The following RHOBTB2 variants were observed in gnomAD, a reference collection of about 807,000 sequenced individuals.
RHOBTB2 encodes rho-related BTB domain-containing protein 2.
In RHOBTB2, 39 loss-of-function variants were observed where a neutral mutation model predicts 66.5. The ratio of observed to expected loss-of-function variants is 0.59; its 90% CI spans 0.45 to 0.77. The LOEUF is 0.77. Ranked by LOEUF, RHOBTB2 falls within the 30% of genes least tolerant of loss-of-function variation. The pLI is 0.00. For missense variants in RHOBTB2, 755 were observed against 999.1 expected, an observed-to-expected ratio of 0.76 and a Z score of 3.29; for synonymous variants, 390 against 395.0, an observed-to-expected ratio of 0.99 and a Z score of 0.15.
chr8:23,010,740 C>A, intron 7 of RHOBTB2, 52 bp downstream of exon 7: 1 of 1,592,966 alleles, frequency 6.3e-7, no homozygotes, highest in Non-Finnish European at 8.6e-7. Context: ...CCAGGGAAAC[C>A]CCAAGGTGCA....
the RHOBTB2 span, among the ~76,000 whole-genome samples, chr8:22,972,397 C>G: frequency 2.0e-5 from 3 of 152,150 alleles, no homozygotes. Flanking sequence ...TGCCCAGACC[C>G]CACCAAAGTC....
the RHOBTB2 span, among the ~76,000 whole-genome samples, chr8:22,963,777 A>ATAT: frequency 3.8e-3 from 579 of 151,334 alleles, 2 homozygotes; most frequent in Non-Finnish European, 5.6e-3. Context: ...TTATTTATTT[A>ATAT]TATTATTATT....
At chr8:22,988,329 T>C (rs751795426) in intron 1 of RHOBTB2, among the ~76,000 whole-genome samples, 16 of 151,780 alleles carry the variant, frequency 1.1e-4, no homozygotes, top group Non-Finnish European at 1.9e-4. Context: ...CTGGCTAATT[T>C]TTTTGTTTTT....
rs1585189088 is a variant in RHOBTB2, at chr8:23,004,334, A to G, written c.-10-91A>G. 2 of 1,098,638 alleles carry G rather than the reference A, an allele frequency of 1.8e-6. No individual in the cohort carries two copies. Among genetic ancestry groups the G allele is most frequent in the Admixed American group, 3.6e-5 (2 of 54,842 alleles). 68.1% of individuals were successfully genotyped at this position (1,098,638 alleles called of 1,614,324 possible). ...CAGCTCCGGGGCTTGCAGAGGGGGC[A>G]GCCTGGCTGAGGAGAGCTGCGGGTG... On this transcript the variant is annotated intron_variant, in intron 1 of 9. Coordinates refer to ENST00000251822, the MANE Select transcript of RHOBTB2 (RefSeq NM_015178.3). This position sits in a 1 kb window ranked among gnomAD's most constrained non-coding sequence, Gnocchi z 6.4.
chr8:22,968,105 T>C, the RHOBTB2 span, among the ~76,000 whole-genome samples: 1 of 151,638 alleles, frequency 6.6e-6, no homozygotes, highest in Non-Finnish European at 1.5e-5. Context: ...CAGTGAGCTA[T>C]GATCAAACCA....
chr8:23,000,876 G>C (rs1810755533), intron 1 of RHOBTB2, among the ~76,000 whole-genome samples: 1 of 152,078 alleles, frequency 6.6e-6, no homozygotes, highest in South Asian at 2.1e-4. Flanking sequence ...GACAAGCCAG[G>C]CTCCCAGGGA....
At chr8:23,001,160 C>T (rs946401437) in intron 1 of RHOBTB2, among the ~76,000 whole-genome samples, 8 of 152,108 alleles carry the variant, frequency 5.3e-5, no homozygotes, top group Non-Finnish European at 8.8e-5. Context: ...GGAACACATG[C>T]CAGTGACTTT....
chr8:22,986,265 CTTTTTTT>C (rs33995780), upstream of RHOBTB2, among the ~76,000 whole-genome samples: 7 of 84,978 alleles, frequency 8.2e-5, no homozygotes, highest in African/African-American at 2.8e-4. Context: ...CAGTGCATTG[CTTTTTTT>C]TTTTTTTTTT....
Position 23,017,439 on chromosome 8 carries a change from A to G in RHOBTB2, c.2154A>G (p.Ser718=). The change falls in exon 10 of 10, where the codon TCA becomes TCG. Residue 718 remains serine (S), a synonymous_variant. Coordinates refer to ENST00000251822, the MANE Select transcript of RHOBTB2 (RefSeq NM_015178.3). The surrounding 1 kb of genome is among the most constrained non-coding windows in gnomAD (Gnocchi z 5.3). ...SSPSSSAASS[S]SPSSSSAVV is the part of the protein sequence containing the mutation. ...CGTCTTCCTCGGCAGCCTCCTCCTC[A>G]TCCCCATCTTCCTCCTCGGCTGTGG... The G allele has an allele frequency of 6.2e-7, 1 of 1,603,878 alleles. No individual in the cohort carries two copies. Among genetic ancestry groups the G allele is most frequent in the East Asian group, 2.3e-5 (1 of 44,352 alleles).
rs767129651 is a variant in RHOBTB2 at position 23,007,369 on chromosome 8, G to C, written c.1124G>C (p.Gly375Ala). Reference protein sequence around the residue: ...STSDGILRGNGTGYLPGRGRV... With the variant: ...STSDGILRGNATGYLPGRGRV... ...AGCGACGGGATCTTACGGGGCAACG[G>C]AACAGGGTACCTACCGGGCAGGGGT... The change falls in exon 5 of 10, where the codon GGA becomes GCA. Residue 375 changes from glycine (G) to alanine (A), a missense_variant. Gly to Ala is a moderately conservative substitution (Grantham distance 60). Transcript: ENST00000251822. 6.2e-7 allele frequency: 1 copy of C among 1,613,918 alleles called. No individual in the cohort carries two copies. The highest frequency in any genetic ancestry group is 8.5e-7 in the Non-Finnish European group (1 of 1,179,980).
At chr8:23,013,930 CCTCT>C (rs929817349) in intron 7 of RHOBTB2, among the ~76,000 whole-genome samples, 2 of 152,320 alleles carry the variant, frequency 1.3e-5, no homozygotes, top group Admixed American at 6.5e-5. Context: ...TTACGAGCTT[CCTCT>C]CTATCTGGAA....
At position 23,017,625 on chromosome 8, in the gene RHOBTB2, G is replaced by A. The variant is rs1811336289; in HGVS notation, c.*156G>A. ...TCTTCTTACCAGCCACCGTGGCTCAGCCAGAGAGGAGCTGAGCCCTGTGGA... is the reference window on the plus strand; with the variant it reads ...TCTTCTTACCAGCCACCGTGGCTCAACCAGAGAGGAGCTGAGCCCTGTGGA... On this transcript the variant is annotated 3_prime_UTR_variant, in exon 10 of 10. Transcript: ENST00000251822. This position sits in a 1 kb window ranked among gnomAD's most constrained non-coding sequence, Gnocchi z 5.3. 1.6e-6 allele frequency: 2 copies of A among 1,239,922 alleles called. No homozygotes were observed. Among genetic ancestry groups the A allele is most frequent in the South Asian group, 3.0e-5 (2 of 66,030 alleles). 76.8% of individuals were successfully genotyped at this position (1,239,922 alleles called of 1,614,324 possible). A position where few individuals can be genotyped will look rare whatever the true frequency, so the allele number is the denominator to read the frequency against.
At chr8:22,964,520 G>A in the RHOBTB2 span, among the ~76,000 whole-genome samples, 1 of 151,954 alleles carries the variant, frequency 6.6e-6, no homozygotes, top group Non-Finnish European at 1.5e-5. Flanking sequence ...GGCATTTTCA[G>A]CACCTGCTCC....
In RHOBTB2 at chr8:23,007,051, T is replaced by C. The variant is rs753270855; in HGVS notation, c.806T>C (p.Ile269Thr). 1.2e-6 allele frequency: 2 copies of C among 1,610,348 alleles called. No individual in the cohort carries two copies. Among genetic ancestry groups the C allele is most frequent in the East Asian group, 4.5e-5 (2 of 44,842 alleles). Residue 269 changes from isoleucine (I) to threonine (T), a missense_variant, in exon 5 of 10, where the codon ATC becomes ACC. Around this residue, in one of 7 missense-constraint regions of RHOBTB2, gnomAD observed 247 missense variants for 238.9 expected, o/e 1.03. Coordinates refer to ENST00000251822, the MANE Select transcript of RHOBTB2 (RefSeq NM_015178.3). ...GAGGACCCGCTCTGCGCGGACGTCA[T>C]CCTGGTGCTGCAGGAGCGGGTGCGC... The part of the protein sequence containing the change: ...LLEDPLCADV[I>T]LVLQERVRIF...
At chr8:22,976,058 A>G in the RHOBTB2 span, among the ~76,000 whole-genome samples, 85 of 152,326 alleles carry the variant, frequency 5.6e-4, no homozygotes, top group Non-Finnish European at 1.2e-3. Flanking sequence ...AGCCAGGAGA[A>G]TCACTTAAAC....
At position 23,019,593 on chromosome 8, in the gene RHOBTB2, C is replaced by T. The variant is rs145465472; in HGVS notation, c.*2124C>T. The T allele has an allele frequency of 9.2e-5, 14 of 152,702 alleles. No homozygotes were observed. The highest frequency in any genetic ancestry group is 2.9e-4 in the African/African-American group (12 of 41,580). The allele number at this position is 152,702 out of a possible 1,614,324, so 9.5% of individuals were successfully genotyped here. On this transcript the variant is annotated 3_prime_UTR_variant, in exon 10 of 10. Coordinates refer to ENST00000251822, the MANE Select transcript of RHOBTB2 (RefSeq NM_015178.3). ...CTGTGGACGAAAGGGAGAGCGGGTC[C>T]TCCAGGGCAAGGGGAACGGGAAATA... is the stretch of plus-strand genomic sequence containing the variant.
chr8:22,974,669 T>C, the RHOBTB2 span, among the ~76,000 whole-genome samples: 4 of 152,198 alleles, frequency 2.6e-5, no homozygotes, highest in Admixed American at 6.5e-5. Flanking sequence ...GAAGTGCAGT[T>C]TGTAGAGAGT....
At chr8:22,951,494 G>A in the RHOBTB2 span, among the ~76,000 whole-genome samples, 1 of 152,118 alleles carries the variant, frequency 6.6e-6, no homozygotes, top group Non-Finnish European at 1.5e-5. Context: ...AGCAAAGGGT[G>A]GTGGGATTAT....
At chr8:22,985,955 C>T (rs919608971), upstream of RHOBTB2, among the ~76,000 whole-genome samples, 8 of 152,248 alleles carry the variant, frequency 5.3e-5, no homozygotes, top group Admixed American at 6.5e-5. Context: ...TGCTAGCAGG[C>T]GCAGGAGCAA....
Sources: gnomAD v4.1 joint callset for allele counts (sites outside exome capture counted in the v4.1 genomes callset) on GRCh38, gnomAD v4.1.1 for gene constraint, gnomAD v4.1.1 regional missense constraint, Gnocchi (gnomAD v3.1) non-coding constraint, MANE v1.5 for transcripts, NCBI Gene and HGNC (gene_info 2026-07-23, HGNC 2026-07-21) for gene names.